Variants in TOX observed in about 807,000 individuals in gnomAD.
TOX encodes the protein thymocyte selection-associated high mobility group box protein TOX.
In TOX, 11 loss-of-function variants were observed where a neutral mutation model predicts 53.7. That is an observed-to-expected ratio of 0.20 (90% confidence interval 0.13 to 0.34). The LOEUF is 0.34. TOX is among the 10% of genes least tolerant of loss of function. The pLI, the probability that TOX is intolerant of heterozygous loss-of-function variation, is 1.00. For missense variants in TOX, 570 were observed against 664.6 expected (o/e 0.86, Z 1.56); for synonymous variants, 225 against 245.3 (o/e 0.92, Z 0.77).
chr8:59,115,700 ACTG>A (rs1375316642), intron 1 of TOX, among the ~76,000 whole-genome samples: 2 of 152,164 alleles, frequency 1.3e-5, no homozygotes, highest in Non-Finnish European at 2.9e-5. Context: ...TATGAGCTAC[ACTG>A]CTATTTCCAA....
chr8:58,889,737 T>C (rs563557289), intron 3 of TOX, among the ~76,000 whole-genome samples: 3 of 152,256 alleles, frequency 2.0e-5, no homozygotes, highest in Non-Finnish European at 4.4e-5. Flanking sequence ...AAGAAGTGAA[T>C]TTCTATGTCT....
At chr8:59,073,008 C>T (rs1225714394) in intron 1 of TOX, among the ~76,000 whole-genome samples, 1 of 152,054 alleles carries the variant, frequency 6.6e-6, no homozygotes, top group Non-Finnish European at 1.5e-5. Context: ...AATAATTTTA[C>T]AAGTGAATAA....
intron 1 of TOX, among the ~76,000 whole-genome samples, chr8:58,998,715 T>C (rs913348999): frequency 2.0e-5 from 3 of 150,260 alleles, no homozygotes. Context: ...GTATATCTGG[T>C]CCACAAACAA....
chr8:58,981,215 C>T (rs1400256999), intron 1 of TOX, among the ~76,000 whole-genome samples: 2 of 152,134 alleles, frequency 1.3e-5, no homozygotes, highest in Non-Finnish European at 2.9e-5. Context: ...ACTTCCTACC[C>T]TCCCACAACT....
rs193238164 is a variant in TOX, at chr8:59,062,567, C to T, written c.102+56319G>A. ...GTGTGCTTCAATAGAATGGCTCTTT[C>T]GGATGACAATGATGAACTGTTCTAA... On this transcript the variant is annotated intron_variant, in intron 1 of 8. Coordinates refer to ENST00000361421, the MANE Select transcript of TOX (RefSeq NM_014729.3). Among the ~76,000 whole-genome samples the T allele has an allele frequency of 4.6e-5, 7 of 152,276 alleles. No individual in the cohort carries two copies. In the East Asian group the frequency reaches 7.7e-4, roughly 17 times the overall value.
intron 1 of TOX, among the ~76,000 whole-genome samples, chr8:59,077,526 C>A (rs1804313115): frequency 6.6e-6 from 1 of 152,124 alleles, no homozygotes; most frequent in Admixed American, 6.5e-5. Context: ...TCTCTGAGAT[C>A]CCTCTTAAAG....
chr8:58,808,836 T>A (rs570054539), intron 7 of TOX, among the ~76,000 whole-genome samples: 1 of 152,204 alleles, frequency 6.6e-6, no homozygotes, highest in Non-Finnish European at 1.5e-5. Flanking sequence ...TTTTTAACAG[T>A]TGTTGGACTA....
chr8:59,081,799 T>A (rs1027622801), intron 1 of TOX, among the ~76,000 whole-genome samples: 1 of 152,056 alleles, frequency 6.6e-6, no homozygotes, highest in Non-Finnish European at 1.5e-5. Context: ...GGTAACTCCA[T>A]CCTGTTTTAA....
chr8:58,861,368 G>T (rs902494159), intron 3 of TOX, among the ~76,000 whole-genome samples: 1 of 152,142 alleles, frequency 6.6e-6, no homozygotes, highest in African/African-American at 2.4e-5. Context: ...AATGTGCTCT[G>T]GGTCTACCTA....
intron 2 of TOX, 27 bp downstream of exon 2, chr8:58,959,916 C>G: frequency 1.2e-6 from 2 of 1,613,380 alleles, no homozygotes; most frequent in South Asian, 2.2e-5. Flanking sequence ...CAATTTGAAA[C>G]AAGGCAGAGA....
chr8:59,092,302 T>TTATATA (rs1491303174), intron 1 of TOX, among the ~76,000 whole-genome samples: 3 of 104,632 alleles, frequency 2.9e-5, no homozygotes, highest in Non-Finnish European at 1.6e-5. Context: ...ATTATATATA[T>TTATATA]TATATATTAT....
intron 1 of TOX, among the ~76,000 whole-genome samples, chr8:59,110,298 C>T (rs1383060185): frequency 1.3e-5 from 2 of 152,070 alleles, no homozygotes; most frequent in African/African-American, 4.8e-5. Context: ...GGTTATCCTG[C>T]CTCTTTATTA....
chr8:59,039,837 T>C (rs1803543320), intron 1 of TOX, among the ~76,000 whole-genome samples: 1 of 150,782 alleles, frequency 6.6e-6, no homozygotes, highest in South Asian at 2.2e-4. Context: ...GGAGAGCTAA[T>C]TTAAATAATT....
At chr8:58,921,654 T>G (rs1812078677) in intron 3 of TOX, among the ~76,000 whole-genome samples, 1 of 152,184 alleles carries the variant, frequency 6.6e-6, no homozygotes, top group African/African-American at 2.4e-5. Flanking sequence ...AATCTCAAAC[T>G]CTTCTCTGCC....
rs143153538 is a variant in TOX at position 58,815,617 on chromosome 8, T to C, written c.1113A>G (p.Leu371=). 2.6e-4 allele frequency: 415 copies of C among 1,614,054 alleles called. No individual in the cohort carries two copies. The highest frequency in any genetic ancestry group is 3.5e-4 in the Non-Finnish European group (410 of 1,179,998). ...GPSQAHSALY[L]SSHYHQQPGM... The stretch of plus-strand genomic sequence containing the variant: ...CCGGTTGTTGGTGATAGTGGGAACT[T>C]AGGTACAGGGCCGAGTGGGCCTGGC... The change falls in exon 7 of 9, where the codon CTA becomes CTG. Residue 371 remains leucine (L), a synonymous_variant. Coordinates refer to ENST00000361421, the MANE Select transcript of TOX (RefSeq NM_014729.3).
intron 2 of TOX, among the ~76,000 whole-genome samples, chr8:58,944,191 A>G (rs1812489112): frequency 1.3e-5 from 2 of 152,212 alleles, no homozygotes; most frequent in African/African-American, 4.8e-5. Flanking sequence ...GGCACTGTGC[A>G]TCACTCTGCG....
At chr8:59,023,264 G>T (rs1391732353) in intron 1 of TOX, among the ~76,000 whole-genome samples, 2 of 146,786 alleles carry the variant, frequency 1.4e-5, no homozygotes, top group Non-Finnish European at 3.0e-5. Flanking sequence ...TCCAACCTGT[G>T]CCTGTTACTA....
intron 1 of TOX, among the ~76,000 whole-genome samples, chr8:59,090,402 C>T (rs1361271715): frequency 6.6e-6 from 1 of 152,168 alleles, no homozygotes; most frequent in African/African-American, 2.4e-5. Flanking sequence ...GACCAAGCAT[C>T]TAATGTCAAG....
chr8:58,924,887 T>C (rs186414485), intron 3 of TOX, among the ~76,000 whole-genome samples: 15 of 152,356 alleles, frequency 9.8e-5, no homozygotes, highest in Non-Finnish European at 2.2e-4. Context: ...CCTGTGTTTT[T>C]TGGAATAGTT....
Sources: gnomAD v4.1 joint callset for allele counts (sites outside exome capture counted in the v4.1 genomes callset) on GRCh38, gnomAD v4.1.1 for gene constraint, MANE v1.5 for transcripts, NCBI Gene and HGNC (gene_info 2026-07-23, HGNC 2026-07-21) for gene names.